Variants in DNAAF9 observed in about 807,000 individuals in gnomAD.
The protein encoded by DNAAF9 is shulin.
A neutral mutation model predicts 167.0 loss-of-function variants in DNAAF9; 90 were observed. The observed-to-expected ratio is 0.54, with a 90% CI of 0.45 to 0.64. The LOEUF (loss-of-function observed/expected upper bound fraction) is 0.64, where lower values mean the gene tolerates loss of function less well. DNAAF9 is among the 30% of genes least tolerant of loss of function. The probability of loss-of-function intolerance (pLI) is 0.00; values close to 1 mark genes in which losing one functional copy is unlikely to be tolerated. For synonymous variants in DNAAF9, 491 were observed against 508.8 expected, an observed-to-expected ratio of 0.96 and a Z score of 0.47; for missense variants, 1,315 against 1,442.2, an observed-to-expected ratio of 0.91 and a Z score of 1.43.
intron 16 of DNAAF9, among the ~76,000 whole-genome samples, chr20:3,321,151 C>T (rs2069608788): frequency 6.6e-6 from 1 of 152,198 alleles, no homozygotes; most frequent in Non-Finnish European, 1.5e-5. Context: ...GACTACTCTA[C>T]TTCATGGCAG....
intron 27 of DNAAF9, 152 bp downstream of exon 27, chr20:3,287,480 G>C: frequency 2.7e-6 from 2 of 744,118 alleles, no homozygotes; most frequent in Non-Finnish European, 2.3e-6. Flanking sequence ...ATGGCAATAG[G>C]GTCATTGCTC....
rs564977978 is a variant in DNAAF9 at position 3,301,032 on chromosome 20, A to C, written c.1783-2857T>G. ...CTTTTGTTTTCCTTTTTTTTTTTTCAGAGACAGGGTCTTGCTCTGTCTCCC... is the reference window on the plus strand; with the variant it reads ...CTTTTGTTTTCCTTTTTTTTTTTTCCGAGACAGGGTCTTGCTCTGTCTCCC... On this transcript the variant is annotated intron_variant, in intron 21 of 36. Coordinates refer to ENST00000252032, the MANE Select transcript of DNAAF9 (RefSeq NM_001009984.3). Among the ~76,000 whole-genome samples the C allele has an allele frequency of 2.8e-3, 418 of 149,548 alleles. 1 individual carries two copies. The highest frequency in any genetic ancestry group is 9.7e-3 in the African/African-American group (395 of 40,774).
intron 6 of DNAAF9, among the ~76,000 whole-genome samples, chr20:3,359,878 T>A (rs2083337272): frequency 6.6e-6 from 1 of 152,216 alleles, no homozygotes; most frequent in African/African-American, 2.4e-5. Context: ...ATTGTATATT[T>A]TTTGCCTTTG....
intron 20 of DNAAF9, among the ~76,000 whole-genome samples, chr20:3,305,227 T>C (rs1388074872): frequency 4.6e-5 from 7 of 152,120 alleles, no homozygotes; most frequent in Non-Finnish European, 8.8e-5. Context: ...GAGCAGACCA[T>C]GGAAAAGATG....
chr20:3,283,596 G>A (rs548227669), intron 27 of DNAAF9, among the ~76,000 whole-genome samples: 2 of 152,302 alleles, frequency 1.3e-5, no homozygotes, highest in East Asian at 1.9e-4. Context: ...CCCACAACAC[G>A]CACTGCCAGG....
At chr20:3,319,054 G>A (rs142629440) in intron 16 of DNAAF9, among the ~76,000 whole-genome samples, 279 of 130,562 alleles carry the variant, frequency 2.1e-3, no homozygotes, top group Middle Eastern at 0.016. Context: ...CTGAACTCCA[G>A]CCTGGGCAAC....
chr20:3,375,298 T>C (rs1379809477), intron 4 of DNAAF9, among the ~76,000 whole-genome samples, 172 bp from the exon 5 acceptor site: 1 of 152,186 alleles, frequency 6.6e-6, no homozygotes, highest in Non-Finnish European at 1.5e-5. Flanking sequence ...GAAAGACTTG[T>C]TATGCCCTTA....
chr20:3,253,800 G>A lies in DNAAF9; in HGVS notation c.3347C>T (p.Pro1116Leu). ...ATTATAAAAGTAGCCTGCAGGTAGG[G>A]GTTCCAAGTGGCGTTTTACCTGTAG... ...RSIHVKRHLE[P>L]LPAGYFYNGT... is the part of the protein sequence containing the mutation. The change falls in exon 36 of 37, where the codon CCC (proline) becomes CTC (leucine). Residue 1116 changes from proline to leucine, a missense_variant. Pro to Leu is a moderately conservative substitution (Grantham distance 98). Coordinates refer to ENST00000252032, the MANE Select transcript of DNAAF9 (RefSeq NM_001009984.3). 6.2e-7 allele frequency: 1 copy of A among 1,608,104 alleles called. No individual in the cohort carries two copies. The highest frequency in any genetic ancestry group is 8.5e-7 in the Non-Finnish European group (1 of 1,174,508).
At chr20:3,293,292 C>CAAAAAA (rs1172725572) in intron 25 of DNAAF9, among the ~76,000 whole-genome samples, 640 of 22,852 alleles carry the variant, frequency 0.028, 160 homozygotes, top group Non-Finnish European at 0.032. Flanking sequence ...GACTCCGTCT[C>CAAAAAA]AAAAAAAAAA....
chr20:3,382,762 A>G (rs7346306), intron 1 of DNAAF9, among the ~76,000 whole-genome samples: 1 of 151,772 alleles, frequency 6.6e-6, no homozygotes, highest in Non-Finnish European at 1.5e-5. Flanking sequence ...TCCTCAACAG[A>G]GGATGAAGCC....
At chr20:3,357,475 AAAAT>A (rs992657395) in intron 7 of DNAAF9, among the ~76,000 whole-genome samples, 8 of 152,240 alleles carry the variant, frequency 5.3e-5, no homozygotes, top group African/African-American at 1.7e-4. Context: ...CTGTCTCAAA[AAAAT>A]AAATAAATAA....
chr20:3,384,205 CA>C (rs2083702008), intron 1 of DNAAF9: 1 of 152,148 alleles, frequency 6.6e-6, no homozygotes, highest in Non-Finnish European at 1.5e-5. Context: ...CATGTGATAT[CA>C]AAACTAGACA....
chr20:3,259,900 G>C, intron 32 of DNAAF9, 22 bp downstream of exon 32: 1 of 1,382,760 alleles, frequency 7.2e-7, no homozygotes. Context: ...CCAGTGTCTA[G>C]GACATCTCAG....
chr20:3,404,567 C>T (rs955353762), intron 1 of DNAAF9, among the ~76,000 whole-genome samples: 3 of 152,036 alleles, frequency 2.0e-5, no homozygotes, highest in African/African-American at 7.3e-5. Context: ...TTCTTTCGGC[C>T]GTATTTCTTC....
At position 3,395,192 on chromosome 20, in the gene DNAAF9, C is replaced by T. The variant is rs545449836; in HGVS notation, c.83+12283G>A. On this transcript the variant is annotated intron_variant, in intron 1 of 36. Transcript: ENST00000252032. ...TTCACCGTGTTAGCCAGGATGGTCT[C>T]GATCTCCTGACCTCGTGATCCGCCC... Among the ~76,000 whole-genome samples the T allele has an allele frequency of 1.3e-4, 19 of 142,846 alleles. No homozygotes were observed. In the East Asian group the frequency reaches 3.2e-3, roughly 24 times the overall value. The allele number at this position is 142,846 out of a possible 152,430, so 93.7% of individuals were successfully genotyped here.
chr20:3,345,243 C>T (rs138771405), intron 8 of DNAAF9, among the ~76,000 whole-genome samples: 49 of 152,244 alleles, frequency 3.2e-4, no homozygotes, highest in African/African-American at 1.0e-3. Flanking sequence ...GTCTTGAACT[C>T]CTGACCTCAA....
chr20:3,264,113 A>G (rs2068442836), intron 31 of DNAAF9, among the ~76,000 whole-genome samples: 1 of 152,218 alleles, frequency 6.6e-6, no homozygotes, highest in South Asian at 2.1e-4. Flanking sequence ...CACCTGGGAA[A>G]GTTATAGCTC....
rs922008144 is a variant in DNAAF9 at position 3,249,758 on chromosome 20, C to T, written c.*2814G>A. On this transcript the variant is annotated 3_prime_UTR_variant, in exon 37 of 37. Transcript: ENST00000252032. Reference sequence around the variant, plus strand: ...TTGAACTTTTCCCTTTTGAGAAGCCCAAGGAGCAACCCAGAGCTTCTTACT... The same window carrying T: ...TTGAACTTTTCCCTTTTGAGAAGCCTAAGGAGCAACCCAGAGCTTCTTACT... 2.6e-5 allele frequency: 4 copies of T among 152,096 alleles called. No individual in the cohort carries two copies. Among genetic ancestry groups the T allele is most frequent in the African/African-American group, 9.7e-5 (4 of 41,410 alleles). The allele number at this position is 152,096 out of a possible 1,614,324, so 9.4% of individuals were successfully genotyped here.
intron 14 of DNAAF9, among the ~76,000 whole-genome samples, chr20:3,324,364 T>C (rs185168743): frequency 2.0e-5 from 3 of 152,008 alleles, no homozygotes; most frequent in Non-Finnish European, 2.9e-5. Context: ...AGTGGTTAAG[T>C]GGACTGGGTT....
Sources: allele counts gnomAD v4.1 joint callset (sites outside exome capture counted in the v4.1 genomes callset), GRCh38; gene constraint gnomAD v4.1.1; transcripts MANE v1.5; gene names NCBI Gene and HGNC (gene_info 2026-07-23, HGNC 2026-07-21).